The following ATP2A1 variants were observed in gnomAD, a reference collection of about 807,000 sequenced individuals.
ATP2A1 encodes sarcoplasmic/endoplasmic reticulum calcium ATPase 1.
ATP2A1 carries 83 observed loss-of-function variants against 109.5 expected under a neutral mutation model. The ratio of observed to expected loss-of-function variants is 0.76; its 90% CI spans 0.63 to 0.91. The LOEUF (loss-of-function observed/expected upper bound fraction) is 0.91. ATP2A1 is among the 40% of genes least tolerant of loss of function. The probability of loss-of-function intolerance (pLI) is 0.00; values close to 1 mark genes in which losing one functional copy is unlikely to be tolerated. For missense variants in ATP2A1, 1,101 were observed against 1,341.0 expected (o/e 0.82, Z 2.80); for synonymous variants, 505 against 537.6 (o/e 0.94, Z 0.84).
chr16:28,904,364 A>C lies in ATP2A1; in HGVS notation c.*222A>C. On this transcript the variant is annotated 3_prime_UTR_variant, in exon 23 of 23. Transcript: ENST00000395503. ...CCCCTCGGCCACCCGCCTCCCTCTC[A>C]ACCTTGTAAATTCCCCTTCCCAACC... is the stretch of plus-strand genomic sequence containing the variant. 6.5e-7 allele frequency: 1 copy of C among 1,540,350 alleles called. No individual in the cohort carries two copies. Among genetic ancestry groups the C allele is most frequent in the Non-Finnish European group, 8.7e-7 (1 of 1,148,434 alleles).
intron 9 of ATP2A1, among the ~76,000 whole-genome samples, chr16:28,893,316 G>A (rs530458968): frequency 4.9e-4 from 74 of 151,890 alleles, no homozygotes; most frequent in African/African-American, 1.7e-3. Flanking sequence ...TGAGGTGGGA[G>A]GATCACTTGA....
In ATP2A1 at chr16:28,894,586, C is replaced by T; in HGVS notation, c.1266C>T (p.Asp422=). 6.2e-7 allele frequency: 1 copy of T among 1,614,150 alleles called. No homozygotes were observed. Among genetic ancestry groups the T allele is most frequent in the East Asian group, 2.2e-5 (1 of 44,876 alleles). The change falls in exon 11 of 23, where the codon GAC becomes GAT. Residue 422 remains aspartate (D), a synonymous_variant. Transcript: ENST00000395503. The part of the protein sequence containing the change: ...ELATICALCN[D]SSLDFNEAKG... ...CCACCATCTGTGCCCTCTGCAATGA[C>T]TCCTCCTTGGACTTCAACGAGGTAA...
At chr16:28,899,167 C>T (rs1302645197) in intron 14 of ATP2A1, among the ~76,000 whole-genome samples, 3 of 152,166 alleles carry the variant, frequency 2.0e-5, no homozygotes, top group African/African-American at 2.4e-5. Flanking sequence ...AAGACTGTCT[C>T]GAGACAGTTG....
intron 12 of ATP2A1, 31 bp from the exon 13 acceptor site, chr16:28,897,969 G>A: frequency 6.2e-7 from 1 of 1,613,696 alleles, no homozygotes; most frequent in South Asian, 1.1e-5. Flanking sequence ...ATTTTAAGAG[G>A]ACTGGTCTCC....
At position 28,903,321 on chromosome 16, in the gene ATP2A1, A is replaced by G; in HGVS notation, c.2863-2A>G. 6.2e-7 allele frequency: 1 copy of G among 1,612,768 alleles called. No individual in the cohort carries two copies. The highest frequency in any genetic ancestry group is 8.5e-7 in the Non-Finnish European group (1 of 1,178,978). On this transcript the variant is annotated splice_acceptor_variant, in intron 20 of 22. Coordinates refer to ENST00000395503, the MANE Select transcript of ATP2A1 (RefSeq NM_004320.6). LOFTEE classifies it high-confidence loss of function. The surrounding 1 kb of genome is among the most constrained non-coding windows in gnomAD (Gnocchi z 5.6). ...TGAGAGGGCGCTTGTCCCCTGCCCC[A>G]GATGATCTTCAAGCTCCGGGCCCTG...
intron 15 of ATP2A1, 46 bp downstream of exon 15, chr16:28,900,962 C>T (rs745910513): frequency 9.3e-6 from 15 of 1,608,300 alleles, no homozygotes; most frequent in Non-Finnish European, 1.1e-5. Flanking sequence ...ACGGAGATGA[C>T]CAGATGACTG....
At chr16:28,892,918 C>CCA (rs1567485756) in intron 9 of ATP2A1, among the ~76,000 whole-genome samples, 3 of 152,066 alleles carry the variant, frequency 2.0e-5, no homozygotes, top group Non-Finnish European at 4.4e-5. Flanking sequence ...GTGGCGTATG[C>CCA]CTGTACTCCC....
intron 1 of ATP2A1, 131 bp downstream of exon 1, chr16:28,878,920 A>G: frequency 1.5e-6 from 2 of 1,329,174 alleles, no homozygotes; most frequent in Non-Finnish European, 2.2e-6. Flanking sequence ...CAATGCTCGC[A>G]GGGGGAAGAA....
intron 5 of ATP2A1, 40 bp downstream of exon 5, chr16:28,882,629 G>A (rs1169617070): frequency 6.2e-7 from 1 of 1,611,418 alleles, no homozygotes; most frequent in African/African-American, 1.3e-5. Context: ...GGGAGGCCTT[G>A]GGGCTGAGGC....
chr16:28,887,599 G>A lies in ATP2A1; in HGVS notation c.805G>A (p.Val269Met), dbSNP rs1379177278. The change falls in exon 8 of 23, where the codon GTG becomes ATG. Residue 269 changes from valine (V) to methionine (M), a missense_variant. Val to Met is a conservative substitution (Grantham distance 21). Transcript: ENST00000395503. ...CTCCAAGGTCATCTCCCTCATCTGT[G>A]TGGCTGTCTGGCTTATCAACATTGG... The part of the protein sequence containing the change: ...QLSKVISLIC[V>M]AVWLINIGHF... The A allele has an allele frequency of 1.9e-6, 3 of 1,613,960 alleles. No homozygotes were observed. In the African/African-American group the frequency reaches 4.0e-5, roughly 22 times the overall value.
At chr16:28,879,398 A>G in intron 2 of ATP2A1, 103 bp from the exon 3 acceptor site, 1 of 1,135,892 alleles carries the variant, frequency 8.8e-7, no homozygotes, top group South Asian at 1.2e-5. Context: ...TCTGCCCACC[A>G]CCCTAGAGCC....
Position 28,880,774 on chromosome 16 carries a change from C to T in ATP2A1, c.220-141C>T. ...ACAGACCCTCAGACGGATGTGGGGCCACAGCGCCCCGACGGTGCCCGGCCC... is the reference window on the plus strand; with the variant it reads ...ACAGACCCTCAGACGGATGTGGGGCTACAGCGCCCCGACGGTGCCCGGCCC... On this transcript the variant is annotated intron_variant, in intron 3 of 22. Coordinates refer to ENST00000395503, the MANE Select transcript of ATP2A1 (RefSeq NM_004320.6). The surrounding 1 kb of genome is among the most constrained non-coding windows in gnomAD (Gnocchi z 4.2). The T allele has an allele frequency of 1.3e-6, 1 of 794,800 alleles. No homozygotes were observed. The highest frequency in any genetic ancestry group is 2.2e-6 in the Non-Finnish European group (1 of 458,752). 49.2% of individuals were successfully genotyped at this position (794,800 alleles called of 1,614,324 possible).
intron 4 of ATP2A1, 39 bp downstream of exon 4, chr16:28,881,058 A>G: frequency 6.3e-7 from 1 of 1,588,038 alleles, no homozygotes; most frequent in Non-Finnish European, 8.6e-7. Context: ...ATGTCCCAAC[A>G]GTGAAGAAGA....
Position 28,903,686 on chromosome 16 carries a change from C to A in ATP2A1, c.2981-14C>A. 1 of 1,612,658 alleles carries A rather than the reference C, an allele frequency of 6.2e-7. No homozygotes were observed. Among genetic ancestry groups the A allele is most frequent in the African/African-American group, 1.3e-5 (1 of 74,908 alleles). On this transcript the variant is annotated splice_polypyrimidine_tract_variant and intron_variant, in intron 21 of 22. Transcript: ENST00000395503. The surrounding 1 kb of genome is among the most constrained non-coding windows in gnomAD (Gnocchi z 5.6). ...TGCCTTGATAACAGTGCCTCTTGTC[C>A]TCTCTGGCCATAGGATAACTGTTCC...
intron 6 of ATP2A1, among the ~76,000 whole-genome samples, chr16:28,884,977 G>C (rs1963579641): frequency 6.6e-6 from 1 of 152,114 alleles, no homozygotes. Flanking sequence ...GGTGGCTCAT[G>C]CCTGTAATCC....
chr16:28,899,658 C>A (rs993275069), intron 14 of ATP2A1, among the ~76,000 whole-genome samples: 5 of 95,382 alleles, frequency 5.2e-5, no homozygotes, highest in African/African-American at 8.7e-5. Context: ...CCCCCCCCCC[C>A]CCGAAAAAGA....
Position 28,894,919 on chromosome 16 carries a change from T to C in ATP2A1, c.1385T>C (p.Leu462Pro), listed in dbSNP as rs753452854. ...MNVFNTDVRS[L>P]SKVERANACN... ...GTGTTCAACACGGATGTGAGAAGCC[T>C]CTCGAAGGTGGAGAGAGCCAACGCC... Residue 462 changes from leucine to proline, a missense_variant, in exon 12 of 23, where the codon CTC (leucine) becomes CCC (proline). Leu to Pro is a moderately conservative substitution (Grantham distance 98). Transcript: ENST00000395503. 1.3e-5 allele frequency: 21 copies of C among 1,612,098 alleles called. No individual in the cohort carries two copies. The highest frequency in any genetic ancestry group is 2.2e-5 in the East Asian group (1 of 44,814).
intron 3 of ATP2A1, 61 bp downstream of exon 3, chr16:28,879,644 C>T: frequency 3.2e-6 from 5 of 1,539,810 alleles, no homozygotes; most frequent in African/African-American, 2.7e-5. Context: ...CGGGCGAATG[C>T]GGGGCTCGCA....
At chr16:28,894,736 G>T (rs1364985100) in intron 11 of ATP2A1, 86 bp from the exon 12 acceptor site, 1 of 1,603,048 alleles carries the variant, frequency 6.2e-7, no homozygotes, top group South Asian at 1.1e-5. Flanking sequence ...GCAGTGGTTT[G>T]CTTCCTTCTT....
Sources: allele counts gnomAD v4.1 joint callset (sites outside exome capture counted in the v4.1 genomes callset), GRCh38; gene constraint gnomAD v4.1.1; non-coding constraint Gnocchi (gnomAD v3.1); transcripts MANE v1.5; gene names NCBI Gene and HGNC (gene_info 2026-07-23, HGNC 2026-07-21).